The following TMEM163 variants were observed in gnomAD, a reference collection of about 807,000 sequenced individuals.
The protein encoded by TMEM163 is transmembrane protein 163.
In TMEM163, 17 loss-of-function variants were observed where a neutral mutation model predicts 29.3. That is an observed-to-expected ratio of 0.58 (90% confidence interval 0.40 to 0.87). The LOEUF (loss-of-function observed/expected upper bound fraction) is 0.87. Ranked by LOEUF, TMEM163 falls within the 40% of genes least tolerant of loss-of-function variation. The probability of loss-of-function intolerance (pLI) is 0.00; values close to 1 mark genes in which losing one functional copy is unlikely to be tolerated. For missense variants in TMEM163, 303 were observed against 381.5 expected, an observed-to-expected ratio of 0.79 and a Z score of 1.71; for synonymous variants, 157 against 160.6, an observed-to-expected ratio of 0.98 and a Z score of 0.17.
In TMEM163 at chr2:134,514,029, G is replaced by A. The variant is rs113981885; in HGVS notation, c.459-11032C>T. ...ACCAGGCAGAAGCTCCAAGGCCTTG[G>A]AAGCATGCCGCGTCTTTCCAGGGCA... On this transcript the variant is annotated intron_variant, in intron 4 of 7. Transcript: ENST00000281924. 3.3e-3 allele frequency among the ~76,000 whole-genome samples: 504 copies of A among 152,326 alleles called. 2 individuals are homozygous for A. Among genetic ancestry groups the A allele is most frequent in the African/African-American group, 0.011 (446 of 41,564 alleles).
At chr2:134,617,156 A>G (rs1348768780) in intron 2 of TMEM163, among the ~76,000 whole-genome samples, 1 of 152,248 alleles carries the variant, frequency 6.6e-6, no homozygotes, top group Non-Finnish European at 1.5e-5. Flanking sequence ...ATATAAGACA[A>G]TTATACAATG....
chr2:134,487,817 C>G (rs1679345775), intron 5 of TMEM163, among the ~76,000 whole-genome samples: 1 of 152,050 alleles, frequency 6.6e-6, no homozygotes, highest in South Asian at 2.1e-4. Flanking sequence ...AAAGAAAAAC[C>G]AAATTGGATC....
At chr2:134,582,650 T>C (rs76724959) in intron 2 of TMEM163, among the ~76,000 whole-genome samples, 4,843 of 152,254 alleles carry the variant, frequency 0.032, 266 homozygotes, top group African/African-American at 0.11. Flanking sequence ...GGTCCTGCCA[T>C]GTGATTCTCA....
intron 4 of TMEM163, among the ~76,000 whole-genome samples, chr2:134,518,671 C>A (rs367871541): frequency 6.6e-6 from 1 of 152,016 alleles, no homozygotes; most frequent in Non-Finnish European, 1.5e-5. Context: ...CAATTCAGCA[C>A]GGTATAGACT....
intron 4 of TMEM163, among the ~76,000 whole-genome samples, chr2:134,503,540 A>G (rs2106487598): frequency 6.6e-6 from 1 of 152,376 alleles, no homozygotes; most frequent in Non-Finnish European, 1.5e-5. Context: ...TAGCTTAAGC[A>G]AAGGAAAGTC....
At chr2:134,496,064 A>ATTT (rs57512015) in intron 5 of TMEM163, among the ~76,000 whole-genome samples, 3 of 144,322 alleles carry the variant, frequency 2.1e-5, no homozygotes, top group Non-Finnish European at 4.6e-5. Flanking sequence ...AGGCTTAACT[A>ATTT]TTTTTTTTTT....
intron 2 of TMEM163, among the ~76,000 whole-genome samples, chr2:134,641,949 G>C (rs971062554): frequency 3.3e-5 from 5 of 152,044 alleles, no homozygotes; most frequent in African/African-American, 1.2e-4. Context: ...ATCAGACAAA[G>C]TAGATTTCAG....
At chr2:134,615,641 A>C (rs912446882) in intron 2 of TMEM163, among the ~76,000 whole-genome samples, 1 of 150,348 alleles carries the variant, frequency 6.7e-6, no homozygotes, top group African/African-American at 2.4e-5. Flanking sequence ...AGCTGCAAAC[A>C]AGAGCAGAGC....
At chr2:134,556,308 C>CTTA (rs1431586512) in intron 2 of TMEM163, among the ~76,000 whole-genome samples, 1 of 152,180 alleles carries the variant, frequency 6.6e-6, no homozygotes, top group African/African-American at 2.4e-5. Context: ...CCACATGAGT[C>CTTA]TTAATACAAG....
chr2:134,488,331 C>T (rs968818595), intron 5 of TMEM163, among the ~76,000 whole-genome samples: 1 of 152,178 alleles, frequency 6.6e-6, no homozygotes, highest in African/African-American at 2.4e-5. Flanking sequence ...AGCAGCAGAC[C>T]TAATCAGCTG....
chr2:134,570,068 C>T (rs1213103250), intron 2 of TMEM163, among the ~76,000 whole-genome samples: 3 of 151,916 alleles, frequency 2.0e-5, no homozygotes, highest in Non-Finnish European at 4.4e-5. Flanking sequence ...GCCCCAAAGG[C>T]AAGAGTAGTT....
intron 2 of TMEM163, among the ~76,000 whole-genome samples, chr2:134,615,288 A>G (rs912573354): frequency 6.6e-6 from 1 of 152,242 alleles, no homozygotes; most frequent in African/African-American, 2.4e-5. Context: ...AGCAAGAACA[A>G]ACATCAAATT....
intron 4 of TMEM163, among the ~76,000 whole-genome samples, chr2:134,516,027 G>A (rs1393927834): frequency 6.6e-6 from 1 of 152,150 alleles, no homozygotes; most frequent in African/African-American, 2.4e-5. Flanking sequence ...GCAGGGTGCT[G>A]GGGCTCAGGT....
At chr2:134,713,404 T>A in intron 1 of TMEM163, 85 bp from the exon 2 acceptor site, 1 of 1,584,838 alleles carries the variant, frequency 6.3e-7, no homozygotes, top group South Asian at 1.1e-5. Flanking sequence ...ACCCAAAGAT[T>A]GCAAACTAAC....
At chr2:134,641,996 C>T (rs1187379448) in intron 2 of TMEM163, among the ~76,000 whole-genome samples, 1 of 152,122 alleles carries the variant, frequency 6.6e-6, no homozygotes, top group Middle Eastern at 3.2e-3. Context: ...AGAGACATTA[C>T]ATAACGGTGA....
intron 2 of TMEM163, among the ~76,000 whole-genome samples, chr2:134,630,723 C>T (rs1372451825): frequency 2.6e-5 from 4 of 152,136 alleles, no homozygotes; most frequent in Non-Finnish European, 5.9e-5. Flanking sequence ...GTTGAGTTAT[C>T]GCCACATAGT....
chr2:134,495,614 G>A (rs936149785), intron 5 of TMEM163, among the ~76,000 whole-genome samples: 3 of 152,164 alleles, frequency 2.0e-5, no homozygotes, highest in Non-Finnish European at 2.9e-5. Flanking sequence ...CTTCCAAATC[G>A]TTACACAAAA....
At chr2:134,646,510 T>A (rs1453873124) in intron 2 of TMEM163, among the ~76,000 whole-genome samples, 1 of 151,780 alleles carries the variant, frequency 6.6e-6, no homozygotes, top group Non-Finnish European at 1.5e-5. Context: ...AGTGGCACAA[T>A]CTTGGCTCAC....
chr2:134,500,939 T>C (rs1289037020), intron 5 of TMEM163, among the ~76,000 whole-genome samples: 1 of 152,146 alleles, frequency 6.6e-6, no homozygotes, highest in Non-Finnish European at 1.5e-5. Context: ...TAATATACTA[T>C]ATAGGTTATA....
Sources: gnomAD v4.1 joint callset for allele counts (sites outside exome capture counted in the v4.1 genomes callset) on GRCh38, gnomAD v4.1.1 for gene constraint, MANE v1.5 for transcripts, NCBI Gene and HGNC (gene_info 2026-07-23, HGNC 2026-07-21) for gene names.